LRRC7: variants seen among roughly 807,000 people sequenced by gnomAD.
LRRC7 encodes the protein leucine rich repeat containing 7, also known as leucine-rich repeat-containing protein 7.
A neutral mutation model predicts 175.7 loss-of-function variants in LRRC7; 23 were observed. That is an observed-to-expected ratio of 0.13 (90% CI 0.09 to 0.19). LRRC7 has a LOEUF of 0.19. LRRC7 is among the 10% of genes least tolerant of loss of function. The pLI, the probability that LRRC7 is intolerant of heterozygous loss-of-function variation, is 1.00. For missense variants in LRRC7, 1,354 were observed against 1,904.7 expected (o/e 0.71, Z 5.38); for synonymous variants, 685 against 680.9 (o/e 1.01, Z -0.09).
At chr1:69,816,385 G>T (rs1436024414) in intron 4 of LRRC7, among the ~76,000 whole-genome samples, 1 of 152,196 alleles carries the variant, frequency 6.6e-6, no homozygotes, top group Non-Finnish European at 1.5e-5. Flanking sequence ...CACCTTGGGT[G>T]TTAGGATTTC....
At chr1:69,624,952 A>G (rs115933035) in intron 1 of LRRC7, among the ~76,000 whole-genome samples, 2,017 of 152,206 alleles carry the variant, frequency 0.013, 18 homozygotes, top group Admixed American at 0.02. Flanking sequence ...CTTATTCTTC[A>G]ATACTGTCAT....
chr1:69,763,098 TGAAAG>T (rs1027701319), intron 3 of LRRC7, among the ~76,000 whole-genome samples: 25 of 151,914 alleles, frequency 1.6e-4, no homozygotes, highest in African/African-American at 5.8e-4. Flanking sequence ...AATACAAAAA[TGAAAG>T]GAATAATGCA....
chr1:69,600,796 G>GTTCTTTTTTTTTT (rs1557463083), intron 1 of LRRC7, among the ~76,000 whole-genome samples: 1 of 26,360 alleles, frequency 3.8e-5, no homozygotes, highest in Non-Finnish European at 6.3e-5. Flanking sequence ...AGGATCTCTG[G>GTTCTTTTTTTTTT]TTTCTTTTTT....
intron 2 of LRRC7, among the ~76,000 whole-genome samples, chr1:69,728,665 T>A (rs1185549980): frequency 6.6e-6 from 1 of 152,184 alleles, no homozygotes; most frequent in Admixed American, 6.5e-5. Flanking sequence ...TGAAATTGGA[T>A]CAACTTTTCC....
At chr1:70,012,254 T>C (rs1430614793) in intron 12 of LRRC7, among the ~76,000 whole-genome samples, 1 of 151,972 alleles carries the variant, frequency 6.6e-6, no homozygotes, top group African/African-American at 2.4e-5. Context: ...TAATTACATT[T>C]ATATTTCTGT....
chr1:69,897,548 A>G (rs867384117), intron 7 of LRRC7, among the ~76,000 whole-genome samples: 5 of 152,140 alleles, frequency 3.3e-5, no homozygotes, highest in Admixed American at 6.5e-5. Context: ...CTTTACTCCT[A>G]TCTCATAGAA....
At chr1:70,113,449 G>A (rs1177012598) in intron 26 of LRRC7, among the ~76,000 whole-genome samples, 1 of 152,098 alleles carries the variant, frequency 6.6e-6, no homozygotes. Flanking sequence ...TAGTTGTCCA[G>A]ACCACCAAGG....
At chr1:69,924,608 A>C (rs567909624) in intron 7 of LRRC7, among the ~76,000 whole-genome samples, 1,984 of 152,046 alleles carry the variant, frequency 0.013, 34 homozygotes, top group African/African-American at 0.043. Flanking sequence ...TTTGTCTGTT[A>C]TTGGTGTATA....
At chr1:70,073,432 C>T (rs1173667823) in intron 23 of LRRC7, among the ~76,000 whole-genome samples, 5 of 152,130 alleles carry the variant, frequency 3.3e-5, no homozygotes, top group Non-Finnish European at 4.4e-5. Context: ...GCCCGGGCGA[C>T]AGAGTAAGAC....
At chr1:69,588,873 C>T (rs367783883) in intron 1 of LRRC7, among the ~76,000 whole-genome samples, 2 of 151,922 alleles carry the variant, frequency 1.3e-5, no homozygotes, top group East Asian at 1.9e-4. Context: ...AATTTCTGTA[C>T]TTGTTAAATT....
chr1:69,810,574 T>C (rs1055044748), intron 4 of LRRC7, among the ~76,000 whole-genome samples: 1 of 151,926 alleles, frequency 6.6e-6, no homozygotes, highest in African/African-American at 2.4e-5. Flanking sequence ...CCAAAACAGA[T>C]ATATAGACCA....
chr1:69,678,345 A>G, intron 1 of LRRC7, 36 bp from the exon 2 acceptor site: 1 of 1,402,664 alleles, frequency 7.1e-7, no homozygotes, highest in Non-Finnish European at 9.9e-7. Context: ...TCCAAAAAAA[A>G]GAGTATGAAA....
chr1:69,612,268 CTT>C (rs1648891174), intron 1 of LRRC7, among the ~76,000 whole-genome samples: 1 of 151,966 alleles, frequency 6.6e-6, no homozygotes, highest in Admixed American at 6.6e-5. Flanking sequence ...TATATCAAAA[CTT>C]GATCTGATAT....
At chr1:70,111,666 A>G (rs1228960046) in intron 26 of LRRC7, among the ~76,000 whole-genome samples, 2 of 152,204 alleles carry the variant, frequency 1.3e-5, no homozygotes, top group Non-Finnish European at 2.9e-5. Flanking sequence ...TCTAGTAATT[A>G]TAGTTATTCT....
chr1:69,733,544 CAATT>C (rs1410240262), intron 2 of LRRC7, among the ~76,000 whole-genome samples: 1 of 151,974 alleles, frequency 6.6e-6, no homozygotes, highest in Non-Finnish European at 1.5e-5. Flanking sequence ...AAGTGACTGT[CAATT>C]TATTTTTTAT....
chr1:69,994,438 A>G, intron 10 of LRRC7, 123 bp from the exon 11 acceptor site: 1 of 744,478 alleles, frequency 1.3e-6, no homozygotes, highest in Admixed American at 2.3e-5. Context: ...AGTGTGTATT[A>G]GCAGAGTTTG....
At chr1:69,980,347 T>A in intron 8 of LRRC7, 32 bp from the exon 9 acceptor site, 1 of 1,540,886 alleles carries the variant, frequency 6.5e-7, no homozygotes. Context: ...AATTTTGTTT[T>A]CCTCTCTCCT....
At chr1:69,829,281 G>A (rs1422507510) in intron 5 of LRRC7, among the ~76,000 whole-genome samples, 2 of 151,784 alleles carry the variant, frequency 1.3e-5, no homozygotes, top group Non-Finnish European at 3.0e-5. Flanking sequence ...CAATACATGT[G>A]CTCAACTGCT....
chr1:69,846,326 C>T (rs894611937), intron 7 of LRRC7, among the ~76,000 whole-genome samples: 11 of 151,990 alleles, frequency 7.2e-5, no homozygotes, highest in South Asian at 2.1e-4. Flanking sequence ...AAGGCTGTGG[C>T]GACAATGGGA....
Sources: allele counts gnomAD v4.1 joint callset (sites outside exome capture counted in the v4.1 genomes callset), GRCh38; gene constraint gnomAD v4.1.1; transcripts MANE v1.5; gene names NCBI Gene and HGNC (gene_info 2026-07-23, HGNC 2026-07-21).